The following SCHIP1 variants were observed in gnomAD, a reference collection of about 807,000 sequenced individuals.
SCHIP1 encodes schwannomin-interacting protein 1.
SCHIP1 carries 8 observed loss-of-function variants against 29.7 expected under a neutral mutation model. The observed-to-expected ratio is 0.27, with a 90% confidence interval of 0.16 to 0.49. SCHIP1 has a LOEUF of 0.49. SCHIP1 is among the 20% of genes least tolerant of loss of function. The probability of loss-of-function intolerance (pLI) is 0.99; values close to 1 mark genes in which losing one functional copy is unlikely to be tolerated. For synonymous variants in SCHIP1, 76 were observed against 94.9 expected, an observed-to-expected ratio of 0.80 and a Z score of 1.16; for missense variants, 193 against 294.6, an observed-to-expected ratio of 0.66 and a Z score of 2.52.
At chr3:159,817,162 A>G in the SCHIP1 span, among the ~76,000 whole-genome samples, 1 of 152,218 alleles carries the variant, frequency 6.6e-6, no homozygotes, top group Non-Finnish European at 1.5e-5. Context: ...TTAAATACCT[A>G]TGATGAATAA....
chr3:159,545,942 C>T, the SCHIP1 span, among the ~76,000 whole-genome samples: 3 of 151,406 alleles, frequency 2.0e-5, no homozygotes, highest in African/African-American at 7.3e-5. Context: ...AACATTTTTT[C>T]AAAAATATTT....
chr3:159,770,998 A>T, the SCHIP1 span, among the ~76,000 whole-genome samples: 7 of 152,262 alleles, frequency 4.6e-5, no homozygotes, highest in Non-Finnish European at 8.8e-5. Flanking sequence ...TAATGAGAAG[A>T]TAAGAACAAT....
At chr3:159,420,445 G>T in the SCHIP1 span, among the ~76,000 whole-genome samples, 1 of 152,212 alleles carries the variant, frequency 6.6e-6, no homozygotes, top group Non-Finnish European at 1.5e-5. Flanking sequence ...AGGGAATAGG[G>T]TGGTAAATAA....
the SCHIP1 span, among the ~76,000 whole-genome samples, chr3:159,691,470 C>T: frequency 6.7e-5 from 10 of 150,002 alleles, no homozygotes; most frequent in Admixed American, 6.0e-4. Flanking sequence ...TCCTCCATCC[C>T]CTTATTTTGA....
At chr3:159,442,468 A>G in the SCHIP1 span, among the ~76,000 whole-genome samples, 1 of 152,180 alleles carries the variant, frequency 6.6e-6, no homozygotes, top group Non-Finnish European at 1.5e-5. Flanking sequence ...CTATCCTTCC[A>G]GGCCTTAGGG....
chr3:159,460,684 A>T, the SCHIP1 span, among the ~76,000 whole-genome samples: 1 of 152,070 alleles, frequency 6.6e-6, no homozygotes, highest in Non-Finnish European at 1.5e-5. Context: ...GTTTGCCTGG[A>T]ACTGTATCTA....
chr3:159,501,902 T>C, the SCHIP1 span, among the ~76,000 whole-genome samples: 1 of 152,218 alleles, frequency 6.6e-6, no homozygotes, highest in East Asian at 1.9e-4. Flanking sequence ...GGAAACTGAA[T>C]GAGAATCTGA....
the SCHIP1 span, among the ~76,000 whole-genome samples, chr3:159,389,081 T>C: frequency 6.6e-6 from 1 of 151,780 alleles, no homozygotes; most frequent in Non-Finnish European, 1.5e-5. Flanking sequence ...TGGGTGGGCG[T>C]GTGTGTGTGG....
chr3:159,814,564 G>A, the SCHIP1 span, among the ~76,000 whole-genome samples: 2 of 152,212 alleles, frequency 1.3e-5, no homozygotes, highest in Non-Finnish European at 2.9e-5. Flanking sequence ...AAGACAGGAT[G>A]AGCTGTCAGC....
chr3:159,523,036 A>G, the SCHIP1 span, among the ~76,000 whole-genome samples: 2 of 152,162 alleles, frequency 1.3e-5, no homozygotes, highest in Admixed American at 1.3e-4. Context: ...CTCAACAACT[A>G]TCACATATTG....
At chr3:159,390,596 G>A in the SCHIP1 span, among the ~76,000 whole-genome samples, 1 of 152,026 alleles carries the variant, frequency 6.6e-6, no homozygotes. Flanking sequence ...CAGCTTCTGT[G>A]AAAGTTAACA....
At chr3:159,405,883 A>G in the SCHIP1 span, among the ~76,000 whole-genome samples, 1 of 146,132 alleles carries the variant, frequency 6.8e-6, no homozygotes, top group Non-Finnish European at 1.5e-5. Context: ...ACTCTGTCAA[A>G]AAAAAAAAAA....
chr3:159,864,620 T>G (rs999131771), intron 1 of SCHIP1, among the ~76,000 whole-genome samples: 1 of 152,014 alleles, frequency 6.6e-6, no homozygotes, highest in African/African-American at 2.4e-5. Context: ...GAAAGAATGC[T>G]TATGGTGTCC....
upstream of SCHIP1, among the ~76,000 whole-genome samples, chr3:159,836,567 C>T (rs528205455): frequency 6.6e-6 from 1 of 152,262 alleles, no homozygotes; most frequent in East Asian, 1.9e-4. Context: ...GTTTTCCTTG[C>T]TTTGATGGCT....
At chr3:159,458,844 G>GA in the SCHIP1 span, among the ~76,000 whole-genome samples, 423 of 152,166 alleles carry the variant, frequency 2.8e-3, 2 homozygotes, top group Middle Eastern at 0.014. Flanking sequence ...GCTTTAAAGT[G>GA]AAAAAACAAA....
the SCHIP1 span, among the ~76,000 whole-genome samples, chr3:159,355,578 G>C: frequency 6.6e-6 from 1 of 152,124 alleles, no homozygotes; most frequent in African/African-American, 2.4e-5. Context: ...TTGTGGTTCT[G>C]GTACTATGTA....
At chr3:159,357,158 G>A in the SCHIP1 span, among the ~76,000 whole-genome samples, 6 of 152,174 alleles carry the variant, frequency 3.9e-5, no homozygotes, top group African/African-American at 1.4e-4. Context: ...TAGCTTTCCT[G>A]TAATTGAATA....
At chr3:159,693,613 C>A in the SCHIP1 span, among the ~76,000 whole-genome samples, 1 of 152,082 alleles carries the variant, frequency 6.6e-6, no homozygotes, top group Non-Finnish European at 1.5e-5. Context: ...TAAGAAAACG[C>A]CAAGACACCC....
At chr3:159,683,020 A>C in the SCHIP1 span, among the ~76,000 whole-genome samples, 1 of 152,122 alleles carries the variant, frequency 6.6e-6, no homozygotes, top group African/African-American at 2.4e-5. Context: ...GCCCCATCTC[A>C]AACCTATTGA....
Sources: allele counts gnomAD v4.1 joint callset (sites outside exome capture counted in the v4.1 genomes callset), GRCh38; gene constraint gnomAD v4.1.1; transcripts MANE v1.5; gene names NCBI Gene and HGNC (gene_info 2026-07-23, HGNC 2026-07-21).